The following LSAMP variants were observed in gnomAD, a reference collection of about 807,000 sequenced individuals.
LSAMP encodes the protein limbic system associated membrane protein.
Under a neutral mutation model 38.6 loss-of-function variants are expected in LSAMP, and 7 were observed. That is an observed-to-expected ratio of 0.18 (90% CI 0.10 to 0.34). LSAMP has a LOEUF of 0.34. Among genes scored for constraint, LSAMP ranks in the 10% least tolerant of loss-of-function variants. LSAMP has a pLI of 1.00. For synonymous variants in LSAMP, 154 were observed against 166.8 expected, an observed-to-expected ratio of 0.92 and a Z score of 0.59; for missense variants, 313 against 420.0, an observed-to-expected ratio of 0.75 and a Z score of 2.23.
chr3:116,191,814 G>T (rs972718746), intron 1 of LSAMP, among the ~76,000 whole-genome samples: 6 of 151,666 alleles, frequency 4.0e-5, no homozygotes, highest in Non-Finnish European at 7.4e-5. Flanking sequence ...TTTGATTAGT[G>T]AATAATAAAT....
In LSAMP at chr3:116,086,375, C is replaced by T. The variant is rs1481283338; in HGVS notation, c.337G>A (p.Val113Ile). The T allele has an allele frequency of 6.2e-7, 1 of 1,614,168 alleles. No individual in the cohort carries two copies. Among genetic ancestry groups the T allele is most frequent in the Admixed American group, 1.7e-5 (1 of 60,026 alleles). ...GTCTTGGGCTCATGCTGTGTCTGAA[C>T]TGAGCAAGTGTAGGAACCCTCATCA... ...VYDEGSYTCSVQTQHEPKTSQ... is the reference protein window; with the variant it reads ...VYDEGSYTCSIQTQHEPKTSQ... The change falls in exon 2 of 7, where the codon GTT becomes ATT. Residue 113 changes from valine (V) to isoleucine (I), a missense_variant. By Grantham distance (29) the Val-to-Ile change is conservative (BLOSUM62 3). Coordinates refer to ENST00000490035, the MANE Select transcript of LSAMP (RefSeq NM_002338.5).
At chr3:116,417,042 A>G (rs1399805932) in intron 1 of LSAMP, among the ~76,000 whole-genome samples, 4 of 152,112 alleles carry the variant, frequency 2.6e-5, no homozygotes, top group Admixed American at 2.6e-4. Context: ...TGCAGTTTGT[A>G]ATTTATTTGC....
At chr3:115,918,049 G>A (rs1458077353) in intron 3 of LSAMP, among the ~76,000 whole-genome samples, 1 of 152,152 alleles carries the variant, frequency 6.6e-6, no homozygotes, top group African/African-American at 2.4e-5. Context: ...GCTGTGGGCA[G>A]GGGTCAGGTC....
intron 3 of LSAMP, among the ~76,000 whole-genome samples, chr3:116,003,839 C>A (rs1175633331): frequency 6.6e-6 from 1 of 152,112 alleles, no homozygotes; most frequent in Non-Finnish European, 1.5e-5. Context: ...CCACTAGATC[C>A]TTCAAAGGGA....
rs190546665 is a variant in LSAMP, at chr3:115,942,177, A to G, written c.514+77338T>C. Among the ~76,000 whole-genome samples the G allele has an allele frequency of 6.8e-4, 104 of 152,274 alleles. 2 individuals are homozygous for G. The East Asian group carries it at 0.019, about 27-fold the overall frequency. ...CATGCTATAAAAAGACAAAAATGGA[A>G]GGAGAAGTTAAGGAAGCAAAACAAA... is the stretch of plus-strand genomic sequence containing the variant. On this transcript the variant is annotated intron_variant, in intron 3 of 6. Coordinates refer to ENST00000490035, the MANE Select transcript of LSAMP (RefSeq NM_002338.5).
intron 1 of LSAMP, among the ~76,000 whole-genome samples, chr3:116,130,855 CTT>C (rs1263538837): frequency 6.6e-6 from 1 of 152,024 alleles, no homozygotes; most frequent in Non-Finnish European, 1.5e-5. Flanking sequence ...CTTTTCCTCT[CTT>C]TTCCTCCTCC....
At chr3:116,028,860 A>G (rs1940853958) in intron 2 of LSAMP, among the ~76,000 whole-genome samples, 1 of 152,136 alleles carries the variant, frequency 6.6e-6, no homozygotes. Context: ...ACAATAAATT[A>G]CCCCAAAGAT....
intron 1 of LSAMP, among the ~76,000 whole-genome samples, chr3:116,239,561 C>A (rs2046505952): frequency 6.6e-6 from 1 of 152,026 alleles, no homozygotes; most frequent in African/African-American, 2.4e-5. Flanking sequence ...ATGTTGTACC[C>A]TAAATTAAAA....
At chr3:116,141,979 TG>T (rs796974119) in intron 1 of LSAMP, among the ~76,000 whole-genome samples, 4 of 152,068 alleles carry the variant, frequency 2.6e-5, no homozygotes, top group African/African-American at 9.6e-5. Context: ...TTCCCTGACC[TG>T]AAAAGGGGAT....
chr3:115,822,026 T>C (rs961670466), intron 6 of LSAMP, among the ~76,000 whole-genome samples: 1 of 152,236 alleles, frequency 6.6e-6, no homozygotes, highest in Non-Finnish European at 1.5e-5. Flanking sequence ...GCTATTAACT[T>C]CTTTCTCACA....
chr3:116,042,088 G>A (rs1417778652), intron 2 of LSAMP, among the ~76,000 whole-genome samples: 1 of 152,132 alleles, frequency 6.6e-6, no homozygotes, highest in Admixed American at 6.5e-5. Flanking sequence ...GTTAGGTGAT[G>A]AACAGGATCT....
At chr3:116,214,528 G>C (rs2199350) in intron 1 of LSAMP, among the ~76,000 whole-genome samples, 113,721 of 139,002 alleles carry the variant, frequency 0.82, 46,792 homozygotes, top group South Asian at 0.91. Context: ...TTTTGAGACA[G>C]AGTCTCACTC....
chr3:115,822,071 C>T (rs1267608691), intron 6 of LSAMP, among the ~76,000 whole-genome samples: 1 of 152,170 alleles, frequency 6.6e-6, no homozygotes, highest in Admixed American at 6.5e-5. Flanking sequence ...GGATTAGCAG[C>T]TTGTACTTGT....
chr3:115,844,885 A>C (rs1482178612), intron 4 of LSAMP, among the ~76,000 whole-genome samples: 1 of 152,148 alleles, frequency 6.6e-6, no homozygotes, highest in Non-Finnish European at 1.5e-5. Context: ...CCTGCGGCAC[A>C]AGAATTGCCT....
chr3:116,422,537 C>A (rs961747154), intron 1 of LSAMP, among the ~76,000 whole-genome samples: 2 of 152,026 alleles, frequency 1.3e-5, no homozygotes, highest in Admixed American at 6.6e-5. Context: ...CACCAAGGAA[C>A]AACTGTATAT....
At chr3:116,210,002 C>A (rs559004336) in intron 1 of LSAMP, among the ~76,000 whole-genome samples, 3 of 152,142 alleles carry the variant, frequency 2.0e-5, no homozygotes, top group African/African-American at 4.8e-5. Context: ...GATCCGCCCA[C>A]CTCGGCCTCG....
intron 1 of LSAMP, among the ~76,000 whole-genome samples, chr3:116,100,060 G>A (rs986957391): frequency 1.6e-5 from 2 of 124,856 alleles, no homozygotes; most frequent in African/African-American, 6.0e-5. Flanking sequence ...ATTTAAGCTA[G>A]TATCCACAGA....
intron 2 of LSAMP, among the ~76,000 whole-genome samples, chr3:116,079,631 C>CAAAAAAA (rs34038261): frequency 3.5e-5 from 3 of 86,092 alleles, no homozygotes; most frequent in East Asian, 3.6e-4. Context: ...GACTCTGTCT[C>CAAAAAAA]AAAAAAAAAA....
In LSAMP at chr3:116,146,379, C is replaced by T. The variant is rs114274012; in HGVS notation, c.156-59823G>A. 3.4e-3 allele frequency among the ~76,000 whole-genome samples: 510 copies of T among 151,982 alleles called. 5 individuals are homozygous for T. The highest frequency in any genetic ancestry group is 0.011 in the African/African-American group (469 of 41,500). ...GCTCTTTGCTACTTTTAAAATTGGG[C>T]TTGGAACAGAGCTATTAGCATGACT... On this transcript the variant is annotated intron_variant, in intron 1 of 6. Coordinates refer to ENST00000490035, the MANE Select transcript of LSAMP (RefSeq NM_002338.5).
Sources: allele counts gnomAD v4.1 joint callset (sites outside exome capture counted in the v4.1 genomes callset), GRCh38; gene constraint gnomAD v4.1.1; transcripts MANE v1.5; gene names NCBI Gene and HGNC (gene_info 2026-07-23, HGNC 2026-07-21).